CPZ: variants seen among roughly 807,000 people sequenced by gnomAD.
The protein encoded by CPZ is carboxypeptidase Z, also known as VEZT/CPZ fusion.
In CPZ, 103 loss-of-function variants were observed where a neutral mutation model predicts 61.8. The observed-to-expected ratio is 1.67, with a 90% CI of 1.42 to 1.96. CPZ has a LOEUF of 1.96. Ranked by LOEUF, CPZ falls within the 30% of genes most tolerant of loss-of-function variation. The pLI is 0.00. For synonymous variants in CPZ, 551 were observed against 373.7 expected, an observed-to-expected ratio of 1.47 and a Z score of -5.47; for missense variants, 1,461 against 914.9, an observed-to-expected ratio of 1.60 and a Z score of -7.70.
Position 8,619,711 on chromosome 4 carries a change from A to C in CPZ, c.*94A>C. ...TGATTTTGTCTGCCACAGACATCCC[A>C]CAAAGCCGCTGCCATTTTATTAAAG... is the stretch of plus-strand genomic sequence containing the variant. On this transcript the variant is annotated 3_prime_UTR_variant, in exon 11 of 11. Coordinates refer to ENST00000360986, the MANE Select transcript of CPZ (RefSeq NM_001014447.3). 1.1e-6 allele frequency: 1 copy of C among 926,930 alleles called. No individual in the cohort carries two copies. The highest frequency in any genetic ancestry group is 1.5e-6 in the Non-Finnish European group (1 of 650,960). 57.4% of individuals were successfully genotyped at this position (926,930 alleles called of 1,614,324 possible).
intron 7 of CPZ, among the ~76,000 whole-genome samples, chr4:8,608,641 C>CGTGTGTGTGTGCGTATGCCT (rs57341669): frequency 6.6e-6 from 1 of 151,418 alleles, no homozygotes; most frequent in Non-Finnish European, 1.5e-5. Flanking sequence ...TGTGAGTGCA[C>CGTGTGTGTGTGCGTATGCCT]GTGTGTGCGT....
rs9991535 is a variant in CPZ at position 8,614,497 on chromosome 4, C to T, written c.1502C>T (p.Thr501Met). ...NKESLLNFVE[T>M]VHRGIKGVVT... ...GAGTCACTCCTGAATTTCGTGGAGA[C>T]GGTGAGTTCTGACGGTCTCAGGGCT... The change falls in exon 9 of 11, where the codon ACG becomes ATG. Residue 501 changes from threonine to methionine, a missense_variant and splice_region_variant. Transcript: ENST00000360986. 0.018 allele frequency: 28,506 copies of T among 1,612,950 alleles called. 3,258 individuals carry two copies. The African/African-American group carries it at 0.29, about 16-fold the overall frequency.
chr4:8,603,058 T>G (rs919623441), intron 3 of CPZ: 2 of 152,252 alleles, frequency 1.3e-5, no homozygotes, highest in African/African-American at 4.8e-5. Flanking sequence ...GGAGATTATT[T>G]TGGGCATCTC....
intron 4 of CPZ, among the ~76,000 whole-genome samples, chr4:8,605,094 G>A (rs1377050948): frequency 2.0e-5 from 3 of 152,220 alleles, no homozygotes; most frequent in African/African-American, 7.2e-5. Context: ...GGTAACCAGC[G>A]CAGAAAGCTC....
chr4:8,609,636 G>C lies in CPZ; in HGVS notation c.1227+2211G>C, dbSNP rs1159027562. Among the ~76,000 whole-genome samples, 7 of 152,334 alleles carry C rather than the reference G, an allele frequency of 4.6e-5. No individual in the cohort carries two copies. The South Asian group carries it at 1.5e-3, about 32-fold the overall frequency. On this transcript the variant is annotated intron_variant, in intron 7 of 10. Transcript: ENST00000360986. ...ACAGGCCCAGTGTGTCTCAGCCTCA[G>C]AGCTGGCAGGGCAGGGCAGGCATCC...
At position 8,609,037 on chromosome 4, in the gene CPZ, CCAT is replaced by C. The variant is rs1715299904; in HGVS notation, c.1227+1613_1227+1615del. On this transcript the variant is annotated intron_variant, in intron 7 of 10. Transcript: ENST00000360986. ...TTCATTAACTCACTCCTTCACTCAC[CCAT>C]TCACTCCCTCCCTCCCTCACTCCCT... Among the ~76,000 whole-genome samples, 5 of 141,004 alleles carry C rather than the reference CCAT, an allele frequency of 3.5e-5. No homozygotes were observed. The South Asian group carries it at 7.3e-4, about 21-fold the overall frequency. The allele number at this position is 141,004 out of a possible 152,430, so 92.5% of individuals were successfully genotyped here.
intron 9 of CPZ, among the ~76,000 whole-genome samples, chr4:8,616,028 T>C (rs762813200): frequency 1.3e-5 from 2 of 152,112 alleles, no homozygotes; most frequent in Non-Finnish European, 2.9e-5. Flanking sequence ...CTGATGAACA[T>C]GAGGTTGAAG....
At chr4:8,599,694 C>T (rs752162631) in intron 2 of CPZ, 75 of 1,353,616 alleles carry the variant, frequency 5.5e-5, no homozygotes, top group Middle Eastern at 3.8e-4. Flanking sequence ...GCACCAGCTT[C>T]CCACCGGGCT....
At chr4:8,618,625 C>A in intron 10 of CPZ, 97 bp downstream of exon 10, 1 of 1,173,330 alleles carries the variant, frequency 8.5e-7, no homozygotes, top group Non-Finnish European at 1.2e-6. Flanking sequence ...GTGTGCCCAG[C>A]CCTCAGCAGG....
intron 7 of CPZ, among the ~76,000 whole-genome samples, chr4:8,608,209 C>A (rs1487772821): frequency 2.7e-5 from 4 of 147,172 alleles, no homozygotes; most frequent in African/African-American, 9.8e-5. Flanking sequence ...GTGGTCCCCA[C>A]TCCACCGGAG....
chr4:8,601,755 C>G, intron 3 of CPZ, among the ~76,000 whole-genome samples: 1 of 152,182 alleles, frequency 6.6e-6, no homozygotes, highest in East Asian at 1.9e-4. Flanking sequence ...TAGAGGCAGG[C>G]TGGGGTGGAA....
chr4:8,605,688 A>T (rs867773017), intron 4 of CPZ, among the ~76,000 whole-genome samples: 1 of 141,146 alleles, frequency 7.1e-6, no homozygotes, highest in Non-Finnish European at 1.5e-5. Context: ...ACCAATGTGC[A>T]CTTTGACTTA....
At chr4:8,611,979 C>A (rs370053538) in intron 7 of CPZ, 48 bp from the exon 8 acceptor site, 10 of 1,612,374 alleles carry the variant, frequency 6.2e-6, no homozygotes, top group Admixed American at 1.7e-5. Flanking sequence ...GCTCACAGGA[C>A]GTCCTGCAGG....
In CPZ at chr4:8,612,188, GGC is replaced by G. The variant is rs766252453; in HGVS notation, c.1363+28_1363+29del. The G allele has an allele frequency of 1.7e-5, 8 of 470,846 alleles. No homozygotes were observed. In the East Asian group the frequency reaches 1.9e-4, roughly 11 times the overall value. The allele number at this position is 470,846 out of a possible 1,614,324, so 29.2% of individuals were successfully genotyped here. On this transcript the variant is annotated intron_variant, in intron 8 of 10. Transcript: ENST00000360986. ...GTGCGGCTTCCGCAGGGCGGGACTG[GGC>G]GGGGGGTGGGGGGTGCAGGGGCTGG...
chr4:8,604,791 G>C (rs771716031), intron 4 of CPZ, among the ~76,000 whole-genome samples: 1 of 152,204 alleles, frequency 6.6e-6, no homozygotes, highest in Non-Finnish European at 1.5e-5. Context: ...TTTGACCCTT[G>C]GTCATCACCA....
Position 8,619,292 on chromosome 4 carries a change from C to A in CPZ, c.1634C>A (p.Pro545His), listed in dbSNP as rs778176673. 4.3e-6 allele frequency: 7 copies of A among 1,613,476 alleles called. No individual in the cohort carries two copies. In the South Asian group the frequency reaches 5.5e-5, roughly 13 times the overall value. ...GATGGTGACTACTGGAGACTGCTGC[C>A]CCCAGGTATCCACATTGTCATTGCC... is the stretch of plus-strand genomic sequence containing the variant. ...APDGDYWRLL[P>H]PGIHIVIAQA... Residue 545 changes from proline (P) to histidine (H), a missense_variant, in exon 11 of 11, where the codon CCC becomes CAC. Transcript: ENST00000360986.
chr4:8,602,105 G>A (rs1714622783), intron 3 of CPZ: 1 of 152,398 alleles, frequency 6.6e-6, no homozygotes, highest in African/African-American at 2.4e-5. Context: ...GTCTCTTGCA[G>A]ATGAAACAGT....
At position 8,606,053 on chromosome 4, in the gene CPZ, C is replaced by T. The variant is rs1714967095; in HGVS notation, c.774C>T (p.Leu258=). ...ACGAGGTGGCGGGCCGGGAGATGCT[C>T]ATCTACCTAGCCCAGTACCTGTGCT... ...HGNEVAGREM[L]IYLAQYLCSE... Residue 258 remains leucine, a synonymous_variant, in exon 5 of 11, where the codon CTC becomes CTT. Coordinates refer to ENST00000360986, the MANE Select transcript of CPZ (RefSeq NM_001014447.3). 3.7e-6 allele frequency: 6 copies of T among 1,614,190 alleles called. No individual in the cohort carries two copies. Among genetic ancestry groups the T allele is most frequent in the Non-Finnish European group, 5.1e-6 (6 of 1,180,030 alleles).
Position 8,606,285 on chromosome 4 carries a change from C to T in CPZ, c.906+100C>T, listed in dbSNP as rs372514753. 4.6e-4 allele frequency: 562 copies of T among 1,213,648 alleles called. 3 individuals carry two copies. The South Asian group carries it at 8.1e-3, about 17-fold the overall frequency. The allele number at this position is 1,213,648 out of a possible 1,614,324, so 75.2% of individuals were successfully genotyped here. On this transcript the variant is annotated intron_variant, in intron 5 of 10. Transcript: ENST00000360986. Reference sequence around the variant, plus strand: ...TATCCCAGCAGTGCTTCGTTCCTGCCTCTCTAGGAGAGGAGCATTCAGCAG... The same window carrying T: ...TATCCCAGCAGTGCTTCGTTCCTGCTTCTCTAGGAGAGGAGCATTCAGCAG...
Sources: gnomAD v4.1 joint callset for allele counts (sites outside exome capture counted in the v4.1 genomes callset) on GRCh38, gnomAD v4.1.1 for gene constraint, MANE v1.5 for transcripts, NCBI Gene and HGNC (gene_info 2026-07-23, HGNC 2026-07-21) for gene names.